The following PCNX2 variants were observed in gnomAD, a reference collection of about 807,000 sequenced individuals.
The protein encoded by PCNX2 is pecanex 2, also known as pecanex-like protein 2.
PCNX2 carries 168 observed loss-of-function variants against 223.8 expected under a neutral mutation model. The ratio of observed to expected loss-of-function variants is 0.75; its 90% CI spans 0.66 to 0.85. The LOEUF (loss-of-function observed/expected upper bound fraction) is 0.85, where lower values mean the gene tolerates loss of function less well. Among genes scored for constraint, PCNX2 ranks in the 40% least tolerant of loss-of-function variants. The pLI is 0.00. For synonymous variants in PCNX2, 1,006 were observed against 1,052.6 expected, an observed-to-expected ratio of 0.96 and a Z score of 0.86; for missense variants, 2,507 against 2,675.5, an observed-to-expected ratio of 0.94 and a Z score of 1.39.
intron 19 of PCNX2, among the ~76,000 whole-genome samples, chr1:233,157,143 G>A (rs1678183814): frequency 6.6e-6 from 1 of 152,174 alleles, no homozygotes; most frequent in African/African-American, 2.4e-5. Context: ...AAACTTTACA[G>A]GACCTACTGT....
chr1:233,212,076 G>T (rs1461170988), intron 12 of PCNX2, among the ~76,000 whole-genome samples: 1 of 151,980 alleles, frequency 6.6e-6, no homozygotes, highest in African/African-American at 2.4e-5. Context: ...ATTATTTTTT[G>T]GTGGCTGTTG....
chr1:233,058,631 A>G (rs1414986531), intron 23 of PCNX2: 1 of 151,344 alleles, frequency 6.6e-6, no homozygotes, highest in Non-Finnish European at 1.5e-5. Context: ...TCTTGAACAC[A>G]TCTGGCTCCT....
chr1:233,038,752 A>G (rs938996589), intron 25 of PCNX2, among the ~76,000 whole-genome samples: 1 of 152,234 alleles, frequency 6.6e-6, no homozygotes, highest in African/African-American at 2.4e-5. Context: ...ATTGCTCTGC[A>G]TGGATTAGCC....
chr1:233,179,764 C>T (rs1679688093), intron 15 of PCNX2, among the ~76,000 whole-genome samples: 1 of 152,220 alleles, frequency 6.6e-6, no homozygotes, highest in Non-Finnish European at 1.5e-5. Context: ...CTTTGGCTTA[C>T]TCAAGCATGT....
At chr1:233,118,064 G>T (rs989733317) in intron 21 of PCNX2, among the ~76,000 whole-genome samples, 10 of 151,930 alleles carry the variant, frequency 6.6e-5, no homozygotes, top group Non-Finnish European at 8.8e-5. Context: ...TTGTTTCAGG[G>T]ATGCAAGGTT....
In PCNX2 at chr1:233,001,033, T is replaced by C. The variant is rs865840996; in HGVS notation, c.5098-498A>G. 6.6e-6 allele frequency among the ~76,000 whole-genome samples: 1 copy of C among 152,286 alleles called. No individual in the cohort carries two copies. Among genetic ancestry groups the C allele is most frequent in the South Asian group, 2.1e-4 (1 of 4,820 alleles). On this transcript the variant is annotated intron_variant, in intron 29 of 33. Coordinates refer to ENST00000258229, the MANE Select transcript of PCNX2 (RefSeq NM_014801.4). The surrounding 1 kb of genome is among the most constrained non-coding windows in gnomAD (Gnocchi z 4.2). ...CCCCTAAAGTTTCAGGCTGATCCTT[T>C]TTCTTTTTTTTTCCCCAAGAGACAG...
intron 20 of PCNX2, among the ~76,000 whole-genome samples, chr1:233,135,504 C>T (rs961465935): frequency 6.6e-6 from 1 of 152,204 alleles, no homozygotes; most frequent in East Asian, 1.9e-4. Context: ...CAAAGTCCCT[C>T]ATGTTCTCCA....
intron 23 of PCNX2, among the ~76,000 whole-genome samples, chr1:233,075,758 T>C (rs1480338895): frequency 1.3e-5 from 2 of 149,176 alleles, no homozygotes; most frequent in Admixed American, 6.6e-5. Flanking sequence ...GAAATCTCCA[T>C]TGCAAATAGC....
At chr1:233,233,003 G>C in intron 9 of PCNX2, 1 of 985,396 alleles carries the variant, frequency 1.0e-6, no homozygotes, top group Non-Finnish European at 1.2e-6. Context: ...ATCCAGGTGA[G>C]AGTAAATGGA....
intron 20 of PCNX2, among the ~76,000 whole-genome samples, chr1:233,138,512 T>A (rs1676933370): frequency 6.6e-6 from 1 of 152,208 alleles, no homozygotes; most frequent in Non-Finnish European, 1.5e-5. Flanking sequence ...TACCTTGTTC[T>A]CAGGGGGAGT....
At chr1:233,323,486 C>A in the PCNX2 span, among the ~76,000 whole-genome samples, 5 of 152,228 alleles carry the variant, frequency 3.3e-5, no homozygotes, top group African/African-American at 1.2e-4. Flanking sequence ...AAGAGCAAGT[C>A]TCTTGGTGCC....
chr1:233,265,224 C>A (rs1444688716), intron 1 of PCNX2, among the ~76,000 whole-genome samples: 1 of 143,578 alleles, frequency 7.0e-6, no homozygotes, highest in Non-Finnish European at 1.5e-5. Flanking sequence ...CCTGCCTGTG[C>A]TACCAAGTGA....
chr1:233,016,889 T>G, intron 27 of PCNX2, 32 bp downstream of exon 27: 1 of 1,585,194 alleles, frequency 6.3e-7, no homozygotes, highest in Non-Finnish European at 8.7e-7. Flanking sequence ...AAACTTACAT[T>G]CCATGCCTCA....
chr1:233,163,189 A>G (rs1448934875), intron 17 of PCNX2, among the ~76,000 whole-genome samples: 1 of 152,132 alleles, frequency 6.6e-6, no homozygotes, highest in East Asian at 1.9e-4. Flanking sequence ...ACATATATTT[A>G]AAGTGCACAA....
intron 1 of PCNX2, among the ~76,000 whole-genome samples, chr1:233,283,689 CG>C (rs145007164): frequency 0.025 from 3,730 of 150,334 alleles, 164 homozygotes; most frequent in African/African-American, 0.086. Context: ...ACTATGAGGA[CG>C]GGGGAAAAAA....
intron 17 of PCNX2, among the ~76,000 whole-genome samples, chr1:233,167,296 A>C (rs1417730908): frequency 6.6e-6 from 1 of 152,174 alleles, no homozygotes; most frequent in African/African-American, 2.4e-5. Context: ...CAGACACAGA[A>C]AGACAAATAC....
chr1:233,325,516 A>C, the PCNX2 span, among the ~76,000 whole-genome samples: 4 of 149,294 alleles, frequency 2.7e-5, no homozygotes, highest in Non-Finnish European at 5.9e-5. Context: ...AAAAAAAAAA[A>C]CCAAAAAAAA....
At chr1:233,151,410 C>T (rs955780690) in intron 19 of PCNX2, among the ~76,000 whole-genome samples, 3 of 152,186 alleles carry the variant, frequency 2.0e-5, no homozygotes, top group African/African-American at 4.8e-5. Context: ...GTTTGTTGTG[C>T]TAATAGCCCA....
chr1:232,984,812 C>A, intron 33 of PCNX2: 1 of 212,712 alleles, frequency 4.7e-6, no homozygotes, highest in Non-Finnish European at 9.3e-6. Context: ...TAGCCCCTGT[C>A]ATGAATGCTG....
Sources: gnomAD v4.1 joint callset for allele counts (sites outside exome capture counted in the v4.1 genomes callset) on GRCh38, gnomAD v4.1.1 for gene constraint, Gnocchi (gnomAD v3.1) non-coding constraint, MANE v1.5 for transcripts, NCBI Gene and HGNC (gene_info 2026-07-23, HGNC 2026-07-21) for gene names.